Variants in PTBP2 observed in about 807,000 individuals in gnomAD.
PTBP2 encodes the protein polypyrimidine tract-binding protein 2.
PTBP2 carries 13 observed loss-of-function variants against 61.4 expected under a neutral mutation model. That is an observed-to-expected ratio of 0.21 (90% confidence interval 0.14 to 0.34). The LOEUF is 0.34. Among genes scored for constraint, PTBP2 ranks in the 10% least tolerant of loss-of-function variants. The pLI is 1.00. For missense variants in PTBP2, 405 were observed against 642.6 expected (o/e 0.63, Z 4.00); for synonymous variants, 215 against 218.5 (o/e 0.98, Z 0.14).
intron 11 of PTBP2, among the ~76,000 whole-genome samples, chr1:96,811,996 C>T (rs78151316): frequency 0.011 from 1,741 of 152,252 alleles, 38 homozygotes; most frequent in African/African-American, 0.04. Flanking sequence ...AATTGAGCTT[C>T]CCAAATCTGA....
At chr1:96,768,047 T>C (rs952781601) in intron 3 of PTBP2, among the ~76,000 whole-genome samples, 8 of 152,092 alleles carry the variant, frequency 5.3e-5, no homozygotes, top group African/African-American at 1.7e-4. Flanking sequence ...CTTGAGTCCA[T>C]ATATTATCAC....
intron 3 of PTBP2, among the ~76,000 whole-genome samples, chr1:96,764,836 T>C (rs1656478650): frequency 6.6e-6 from 1 of 152,200 alleles, no homozygotes; most frequent in Non-Finnish European, 1.5e-5. Context: ...TATATAAAGG[T>C]AGTGAGAGCC....
chr1:96,731,066 T>C (rs1188158150), intron 2 of PTBP2, among the ~76,000 whole-genome samples: 1 of 152,160 alleles, frequency 6.6e-6, no homozygotes, highest in African/African-American at 2.4e-5. Flanking sequence ...TCATTCTTTG[T>C]TAATGACAAT....
intron 8 of PTBP2, among the ~76,000 whole-genome samples, chr1:96,796,950 A>C (rs1199052937): frequency 6.6e-6 from 1 of 152,260 alleles, no homozygotes; most frequent in Non-Finnish European, 1.5e-5. Flanking sequence ...AAGATGTATC[A>C]AAAGAAGTTG....
chr1:96,731,999 A>T (rs973428816), intron 2 of PTBP2, among the ~76,000 whole-genome samples: 1 of 152,166 alleles, frequency 6.6e-6, no homozygotes, highest in African/African-American at 2.4e-5. Flanking sequence ...GATTTTAAGT[A>T]TGGTGAAATT....
At chr1:96,791,741 C>T (rs1659821087) in intron 8 of PTBP2, among the ~76,000 whole-genome samples, 2 of 151,276 alleles carry the variant, frequency 1.3e-5, no homozygotes, top group South Asian at 4.2e-4. Context: ...GATGCCTTTG[C>T]AATAGTTGCC....
rs778647371 is a variant in PTBP2 at position 96,770,870 on chromosome 1, A to G, written c.432+19A>G. On this transcript the variant is annotated intron_variant, in intron 5 of 13. Coordinates refer to ENST00000674951, the MANE Select transcript of PTBP2 (RefSeq NM_021190.4). ...AAACCAAGTAAGTATGTGTAGGTAC[A>G]TAAATAAAATGGCCTAGAACATATT... 14 of 1,536,066 alleles carry G rather than the reference A, an allele frequency of 9.1e-6. No individual in the cohort carries two copies. The highest frequency in any genetic ancestry group is 1.1e-5 in the South Asian group (1 of 89,062).
chr1:96,768,242 T>G (rs771394077), intron 3 of PTBP2, among the ~76,000 whole-genome samples: 28 of 152,030 alleles, frequency 1.8e-4, no homozygotes, highest in Admixed American at 4.6e-4. Context: ...ATAATCATCT[T>G]GTTCACTCTC....
intron 3 of PTBP2, 117 bp downstream of exon 3, chr1:96,751,617 A>G (rs747723634): frequency 1.8e-5 from 12 of 682,388 alleles, no homozygotes; most frequent in Non-Finnish European, 2.7e-5. Context: ...GTGTTGAAAC[A>G]TTTTAGAGTA....
At chr1:96,770,549 A>G (rs1657259809) in intron 4 of PTBP2, among the ~76,000 whole-genome samples, 159 bp from the exon 5 acceptor site, 1 of 152,062 alleles carries the variant, frequency 6.6e-6, no homozygotes, top group Non-Finnish European at 1.5e-5. Flanking sequence ...GTATACCTAA[A>G]CTTCAACAAG....
intron 8 of PTBP2, among the ~76,000 whole-genome samples, chr1:96,802,287 A>AGG (rs1661097566): frequency 6.6e-6 from 1 of 151,804 alleles, no homozygotes; most frequent in Non-Finnish European, 1.5e-5. Context: ...AAGACTATAA[A>AGG]GGGGAGCTGA....
At chr1:96,735,734 TAGG>T (rs1652070112) in intron 2 of PTBP2, among the ~76,000 whole-genome samples, 2 of 151,964 alleles carry the variant, frequency 1.3e-5, no homozygotes, top group East Asian at 1.9e-4. Context: ...GAGATGAAAA[TAGG>T]AGAAGCGTTA....
At chr1:96,723,401 G>A (rs761430169) in intron 1 of PTBP2, among the ~76,000 whole-genome samples, 163 bp from the exon 2 acceptor site, 15 of 152,234 alleles carry the variant, frequency 9.9e-5, no homozygotes, top group Non-Finnish European at 1.8e-4. Flanking sequence ...GTTGGTAACA[G>A]TACAGGTAAG....
intron 5 of PTBP2, among the ~76,000 whole-genome samples, chr1:96,775,252 A>G (rs1657901842): frequency 6.6e-6 from 1 of 152,238 alleles, no homozygotes; most frequent in African/African-American, 2.4e-5. Flanking sequence ...AAAGTTGAGC[A>G]TATAGCTATT....
chr1:96,766,141 G>C (rs77520917), intron 3 of PTBP2, among the ~76,000 whole-genome samples: 6,425 of 152,142 alleles, frequency 0.042, 437 homozygotes, highest in African/African-American at 0.14. Flanking sequence ...GTGAAAAACT[G>C]GTTTTGAGTT....
At chr1:96,731,635 A>G (rs1389117237) in intron 2 of PTBP2, among the ~76,000 whole-genome samples, 1 of 152,108 alleles carries the variant, frequency 6.6e-6, no homozygotes, top group Non-Finnish European at 1.5e-5. Context: ...AGAATATCCA[A>G]GTTTTTATGG....
intron 8 of PTBP2, among the ~76,000 whole-genome samples, chr1:96,794,688 CAT>C (rs1214446044): frequency 3.3e-5 from 5 of 152,038 alleles, no homozygotes; most frequent in African/African-American, 4.8e-5. Flanking sequence ...AGACAGAAAA[CAT>C]ATGAGTTAGA....
At chr1:96,799,654 A>T (rs1259196858) in intron 8 of PTBP2, among the ~76,000 whole-genome samples, 4 of 152,178 alleles carry the variant, frequency 2.6e-5, no homozygotes, top group Admixed American at 6.5e-5. Flanking sequence ...ATGTAGCTAA[A>T]AGTAATCTGT....
intron 2 of PTBP2, among the ~76,000 whole-genome samples, chr1:96,747,807 T>C (rs1402578206): frequency 6.6e-6 from 1 of 152,158 alleles, no homozygotes; most frequent in Non-Finnish European, 1.5e-5. Context: ...TGTTCTTGGC[T>C]ATGTGGTCTG....
Sources: allele counts gnomAD v4.1 joint callset (sites outside exome capture counted in the v4.1 genomes callset), GRCh38; gene constraint gnomAD v4.1.1; transcripts MANE v1.5; gene names NCBI Gene and HGNC (gene_info 2026-07-23, HGNC 2026-07-21).